MSH4: variants seen among roughly 807,000 people sequenced by gnomAD.
MSH4 encodes the protein mutS protein homolog 4.
A neutral mutation model predicts 113.7 loss-of-function variants in MSH4; 106 were observed. The ratio of observed to expected loss-of-function variants is 0.93; its 90% CI spans 0.80 to 1.10. MSH4 has a LOEUF of 1.10. Ranked by LOEUF, MSH4 falls within the 50% of genes least tolerant of loss-of-function variation. The pLI is 0.00. For synonymous variants in MSH4, 368 were observed against 380.2 expected, an observed-to-expected ratio of 0.97 and a Z score of 0.37; for missense variants, 1,061 against 1,093.7, an observed-to-expected ratio of 0.97 and a Z score of 0.42.
At chr1:75,851,728 T>C (rs976230724) in intron 8 of MSH4, among the ~76,000 whole-genome samples, 1 of 152,192 alleles carries the variant, frequency 6.6e-6, no homozygotes, top group Non-Finnish European at 1.5e-5. Flanking sequence ...CTTTAAATAA[T>C]ATTATAATAC....
At chr1:75,854,009 G>GTATA (rs1401266837) in intron 8 of MSH4, among the ~76,000 whole-genome samples, 5 of 50,718 alleles carry the variant, frequency 9.9e-5, no homozygotes, top group East Asian at 4.6e-4. Flanking sequence ...ATAAGTGTGT[G>GTATA]TGTGTATATA....
At chr1:75,806,316 C>T (rs1221224311) in intron 2 of MSH4, among the ~76,000 whole-genome samples, 1 of 142,306 alleles carries the variant, frequency 7.0e-6, no homozygotes, top group Non-Finnish European at 1.5e-5. Context: ...GGCGCGATCC[C>T]GGCTCACTGC....
intron 8 of MSH4, among the ~76,000 whole-genome samples, chr1:75,857,119 AT>A (rs2100552997): frequency 6.6e-6 from 1 of 152,196 alleles, no homozygotes; most frequent in East Asian, 1.9e-4. Flanking sequence ...TCCTTTGCCC[AT>A]TTTTTGATGG....
chr1:75,856,952 G>T (rs1311975624), intron 8 of MSH4, among the ~76,000 whole-genome samples: 1 of 152,044 alleles, frequency 6.6e-6, no homozygotes, highest in Non-Finnish European at 1.5e-5. Flanking sequence ...AGCATCTGTT[G>T]TTTCCTGACT....
intron 7 of MSH4, among the ~76,000 whole-genome samples, chr1:75,828,120 C>G (rs148214862): frequency 4.7e-4 from 71 of 152,256 alleles, no homozygotes; most frequent in African/African-American, 1.6e-3. Flanking sequence ...CCATCTCACA[C>G]CAGTTGGAAT....
rs1485510046 is a variant in MSH4 at position 75,815,076 on chromosome 1, A to G, written c.755A>G (p.Glu252Gly). ...RKYFNETKGL[E>G]YIEQLCIAEF... ...TACTTCAATGAAACAAAAGGATTAG[A>G]GTACATTGAACAGTTATGCATAGCA... The change falls in exon 5 of 20, where the codon GAG (glutamate) becomes GGG (glycine). Residue 252 changes from glutamate to glycine, a missense_variant. Glu to Gly is a moderately conservative substitution (Grantham distance 98). Transcript: ENST00000263187. The G allele has an allele frequency of 6.2e-7, 1 of 1,608,048 alleles. No individual in the cohort carries two copies. The highest frequency in any genetic ancestry group is 1.1e-5 in the South Asian group (1 of 90,194).
At chr1:75,891,627 T>C (rs1652256190) in intron 17 of MSH4, among the ~76,000 whole-genome samples, 1 of 152,048 alleles carries the variant, frequency 6.6e-6, no homozygotes, top group Non-Finnish European at 1.5e-5. Context: ...CTAATTTTTG[T>C]ATTTTTAGCT....
At chr1:75,864,211 A>G (rs1651516829) in intron 8 of MSH4, among the ~76,000 whole-genome samples, 1 of 152,094 alleles carries the variant, frequency 6.6e-6, no homozygotes, top group East Asian at 1.9e-4. Context: ...ATTTATTTTC[A>G]CTGCTATATG....
chr1:75,804,246 A>C (rs1284276561), intron 2 of MSH4, among the ~76,000 whole-genome samples: 1 of 152,040 alleles, frequency 6.6e-6, no homozygotes, highest in East Asian at 1.9e-4. Flanking sequence ...TTTATACTTA[A>C]ATTTTAATTT....
chr1:75,853,898 T>G (rs1279060787), intron 8 of MSH4, among the ~76,000 whole-genome samples: 1 of 151,622 alleles, frequency 6.6e-6, no homozygotes, highest in African/African-American at 2.4e-5. Context: ...GAGTCCTGGT[T>G]CATTTTAGTA....
At chr1:75,815,191 C>A in intron 5 of MSH4, 55 bp downstream of exon 5, 1 of 922,812 alleles carries the variant, frequency 1.1e-6, no homozygotes, top group Non-Finnish European at 1.6e-6. Context: ...AATATCATAT[C>A]AAGTAAGTTA....
intron 5 of MSH4, 66 bp from the exon 6 acceptor site, chr1:75,816,307 T>A (rs1650290275): frequency 9.2e-7 from 1 of 1,089,382 alleles, no homozygotes; most frequent in African/African-American, 1.6e-5. Context: ...ATAATTTTTC[T>A]TAAGGGGAAA....
rs1006161367 is a variant in MSH4, at chr1:75,796,930, A to G, written c.-56A>G. The stretch of plus-strand genomic sequence containing the variant: ...GCGGCGCAGCTTCTGTAGTTGGGCT[A>G]CTGGAGGGGTCGCTCAGAAACCTCA... On this transcript the variant is annotated 5_prime_UTR_variant, in exon 1 of 20. Coordinates refer to ENST00000263187, the MANE Select transcript of MSH4 (RefSeq NM_002440.4). The G allele has an allele frequency of 2.8e-5, 45 of 1,604,362 alleles. No homozygotes were observed. The Admixed American group carries it at 5.7e-4, about 20-fold the overall frequency.
chr1:75,873,174 C>T (rs1651750417), intron 9 of MSH4, among the ~76,000 whole-genome samples: 1 of 152,166 alleles, frequency 6.6e-6, no homozygotes, highest in African/African-American at 2.4e-5. Context: ...GTCTCACAAA[C>T]ATTTTACACC....
intron 11 of MSH4, 37 bp downstream of exon 11, chr1:75,878,355 A>T (rs369319269): frequency 5.3e-6 from 8 of 1,504,980 alleles, no homozygotes; most frequent in Non-Finnish European, 7.1e-6. Context: ...TTGTAGGGAT[A>T]AAACAGCCTT....
At chr1:75,812,024 A>T (rs559585690) in intron 4 of MSH4, among the ~76,000 whole-genome samples, 4 of 152,096 alleles carry the variant, frequency 2.6e-5, no homozygotes, top group Admixed American at 2.0e-4. Context: ...ACTTCTTTTC[A>T]TTATGCCTAT....
chr1:75,832,785 T>A (rs560405791), intron 7 of MSH4, among the ~76,000 whole-genome samples: 13,466 of 152,072 alleles, frequency 0.089, 775 homozygotes, highest in Non-Finnish European at 0.13. Flanking sequence ...GGAACGTATC[T>A]CAAAATAATA....
chr1:75,901,178 T>C (rs1374897679), intron 19 of MSH4, among the ~76,000 whole-genome samples: 2 of 152,192 alleles, frequency 1.3e-5, no homozygotes, highest in African/African-American at 4.8e-5. Flanking sequence ...ATTGCAATTC[T>C]TATCTTCTAG....
At chr1:75,887,306 G>A (rs1460402946) in intron 15 of MSH4, among the ~76,000 whole-genome samples, 1 of 152,030 alleles carries the variant, frequency 6.6e-6, no homozygotes, top group Non-Finnish European at 1.5e-5. Flanking sequence ...TATGAGGACG[G>A]TCCTTGCTTT....
Sources: allele counts gnomAD v4.1 joint callset (sites outside exome capture counted in the v4.1 genomes callset), GRCh38; gene constraint gnomAD v4.1.1; transcripts MANE v1.5; gene names NCBI Gene and HGNC (gene_info 2026-07-23, HGNC 2026-07-21).